DYNC1H1: variants seen among roughly 807,000 people sequenced by gnomAD.
The protein encoded by DYNC1H1 is cytoplasmic dynein 1 heavy chain 1.
A neutral mutation model predicts 527.1 loss-of-function variants in DYNC1H1; 51 were observed. That is an observed-to-expected ratio of 0.10 (90% CI 0.08 to 0.12). DYNC1H1 has a LOEUF of 0.12. Among genes scored for constraint, DYNC1H1 ranks in the 10% least tolerant of loss-of-function variants. The probability of loss-of-function intolerance (pLI) is 1.00; values close to 1 mark genes in which losing one functional copy is unlikely to be tolerated. For missense variants in DYNC1H1, 2,771 were observed against 5,971.8 expected, an observed-to-expected ratio of 0.46 and a Z score of 17.66; for synonymous variants, 2,189 against 2,278.8, an observed-to-expected ratio of 0.96 and a Z score of 1.12.
intron 5 of DYNC1H1, among the ~76,000 whole-genome samples, chr14:101,982,048 G>A (rs751515848): frequency 2.6e-5 from 4 of 152,198 alleles, no homozygotes; most frequent in East Asian, 1.9e-4. Context: ...GGCCAGCAGC[G>A]GCGAGTGAGC....
At chr14:102,032,887 G>A in intron 52 of DYNC1H1, 178 bp from the exon 53 acceptor site, 1 of 667,206 alleles carries the variant, frequency 1.5e-6, no homozygotes, top group Non-Finnish European at 2.6e-6. Context: ...TTGTTCAAGT[G>A]TTGAGCACAT....
intron 2 of DYNC1H1, among the ~76,000 whole-genome samples, chr14:101,976,690 G>T (rs2047805362): frequency 6.6e-6 from 1 of 152,036 alleles, no homozygotes; most frequent in Non-Finnish European, 1.5e-5. Flanking sequence ...CCATATCATG[G>T]CATCTATCTT....
chr14:102,013,311 T>C (rs530012572), intron 34 of DYNC1H1, among the ~76,000 whole-genome samples: 2 of 144,594 alleles, frequency 1.4e-5, no homozygotes, highest in Non-Finnish European at 1.5e-5. Context: ...TGTGATGCAA[T>C]TGGACAAACA....
intron 1 of DYNC1H1, among the ~76,000 whole-genome samples, chr14:101,968,062 G>A (rs191211232): frequency 1.4e-4 from 21 of 152,306 alleles, no homozygotes; most frequent in Non-Finnish European, 2.5e-4. Flanking sequence ...GCCATTTTAT[G>A]TTAATGACGT....
At position 102,011,848 on chromosome 14, in the gene DYNC1H1, A is replaced by G. The variant is rs1259121759; in HGVS notation, c.6619-27A>G. The G allele has an allele frequency of 6.2e-7, 1 of 1,611,866 alleles. No individual in the cohort carries two copies. The highest frequency in any genetic ancestry group is 8.5e-7 in the Non-Finnish European group (1 of 1,178,318). Reference sequence around the variant, plus strand: ...TCCCCATTCCTCCTCTGGGATGGTCACTGTGCTGGTCTGTTGGGCCCTGCA... The same window carrying G: ...TCCCCATTCCTCCTCTGGGATGGTCGCTGTGCTGGTCTGTTGGGCCCTGCA... On this transcript the variant is annotated intron_variant, in intron 32 of 77. Transcript: ENST00000360184. This position sits in a 1 kb window ranked among gnomAD's most constrained non-coding sequence, Gnocchi z 5.3.
Position 102,044,459 on chromosome 14 carries a change from A to C in DYNC1H1, c.12870A>C (p.Gly4290=). 2 of 1,614,198 alleles carry C rather than the reference A, an allele frequency of 1.2e-6. No homozygotes were observed. Among genetic ancestry groups the C allele is most frequent in the Non-Finnish European group, 1.7e-6 (2 of 1,180,036 alleles). The stretch of plus-strand genomic sequence containing the variant: ...TTAAGCTGGCATGCAAGGTCGACGG[A>C]CATAAAGACATTCAAATGCCAGATG... ...SEFKLACKVD[G]HKDIQMPDGI... The change falls in exon 71 of 78, where the codon GGA becomes GGC. Residue 4290 remains glycine, a synonymous_variant. Transcript: ENST00000360184. This position sits in a 1 kb window ranked among gnomAD's most constrained non-coding sequence, Gnocchi z 7.1.
Position 102,051,335 on chromosome 14 carries a change from A to G in DYNC1H1, c.*772A>G. 6.6e-6 allele frequency: 1 copy of G among 152,490 alleles called. No homozygotes were observed. Among genetic ancestry groups the G allele is most frequent in the African/African-American group, 2.4e-5 (1 of 41,342 alleles). The allele number at this position is 152,490 out of a possible 1,614,324, so 9.4% of individuals were successfully genotyped here. A position where few individuals can be genotyped will look rare whatever the true frequency, so the allele number is the denominator to read the frequency against. Reference sequence around the variant, plus strand: ...GAGGCCGAGGCGGGCGGATCACCAAATTAGCCGGGCATGGTGGCACATGCC... The same window carrying G: ...GAGGCCGAGGCGGGCGGATCACCAAGTTAGCCGGGCATGGTGGCACATGCC... On this transcript the variant is annotated 3_prime_UTR_variant, in exon 78 of 78. Transcript: ENST00000360184.
Position 102,036,195 on chromosome 14 carries a change from G to A in DYNC1H1, c.10755-294G>A. The A allele has an allele frequency of 2.5e-6, 1 of 392,204 alleles. No homozygotes were observed. The highest frequency in any genetic ancestry group is 4.9e-6 in the Non-Finnish European group (1 of 205,228). The allele number at this position is 392,204 out of a possible 1,614,324, so 24.3% of individuals were successfully genotyped here. On this transcript the variant is annotated intron_variant, in intron 56 of 77. Transcript: ENST00000360184. The surrounding 1 kb of genome is among the most constrained non-coding windows in gnomAD (Gnocchi z 5.6). ...TAAACATGAAAAAGCTATTCTAACAGTGCAGGATGCTGAGAGGATGATTGT... is the reference window on the plus strand; with the variant it reads ...TAAACATGAAAAAGCTATTCTAACAATGCAGGATGCTGAGAGGATGATTGT...
intron 1 of DYNC1H1, among the ~76,000 whole-genome samples, chr14:101,970,873 A>G (rs1459844189): frequency 2.0e-5 from 3 of 152,128 alleles, no homozygotes; most frequent in Non-Finnish European, 4.4e-5. Context: ...ATGCGGGCCA[A>G]AGGAGATGAA....
chr14:102,029,706 C>A lies in DYNC1H1; in HGVS notation c.9636C>A (p.Val3212=). 6.2e-7 allele frequency: 1 copy of A among 1,614,156 alleles called. No homozygotes were observed. The highest frequency in any genetic ancestry group is 1.1e-5 in the South Asian group (1 of 91,060). Residue 3212 remains valine, a synonymous_variant, in exon 49 of 78, where the codon GTC becomes GTA. Transcript: ENST00000360184. The surrounding 1 kb of genome is among the most constrained non-coding windows in gnomAD (Gnocchi z 5.3). ...NVGLRKIKET[V]DQVEELRRDL... ...GGCTCAGGAAGATCAAAGAGACAGT[C>A]GACCAGGTGCGTCACAGGCACAAAT...
chr14:102,021,917 C>G (rs1450696815), intron 42 of DYNC1H1, among the ~76,000 whole-genome samples: 1 of 152,116 alleles, frequency 6.6e-6, no homozygotes, highest in Admixed American at 6.6e-5. Context: ...TGCCTCTGCC[C>G]TCCCAGAGTG....
At chr14:102,023,174 G>A in intron 43 of DYNC1H1, 1 of 401,302 alleles carries the variant, frequency 2.5e-6, no homozygotes, top group Non-Finnish European at 4.7e-6. Flanking sequence ...CTTGAGCCCA[G>A]GAAGTCACAG....
In DYNC1H1 at chr14:101,999,998, C is replaced by T. The variant is rs2141284990; in HGVS notation, c.3814C>T (p.Arg1272Cys). Residue 1272 changes from arginine (R) to cysteine (C), a missense_variant, in exon 17 of 78, where the codon CGC becomes TGC. Arg to Cys is a radical substitution (Grantham distance 180). Transcript: ENST00000360184. ...CTCTGACTGCTTTCAGGGCAACCTT[C>T]GCCCAGAAGAGGCACTTCAGGCTCT... The part of the protein sequence containing the change: ...EKTKPVTGNL[R>C]PEEALQALTI... 4.3e-6 allele frequency: 7 copies of T among 1,614,212 alleles called. No homozygotes were observed. The highest frequency in any genetic ancestry group is 1.1e-5 in the South Asian group (1 of 91,088).
In DYNC1H1 at chr14:102,049,246, G is replaced by A. The variant is rs2048770659; in HGVS notation, c.13373-194G>A. On this transcript the variant is annotated intron_variant, in intron 74 of 77. Transcript: ENST00000360184. This position sits in a 1 kb window ranked among gnomAD's most constrained non-coding sequence, Gnocchi z 5.5. ...ACTGCACGGTTCTGAGACATGCTCT[G>A]GACCAGCCTGAGCTAGAGCAGATGT... is the stretch of plus-strand genomic sequence containing the variant. The A allele has an allele frequency of 1.4e-6, 1 of 725,704 alleles. No individual in the cohort carries two copies. Among genetic ancestry groups the A allele is most frequent in the Non-Finnish European group, 2.3e-6 (1 of 426,088 alleles). The allele number at this position is 725,704 out of a possible 1,614,324, so 45.0% of individuals were successfully genotyped here.
chr14:102,003,391 A>G (rs954131937), intron 23 of DYNC1H1, among the ~76,000 whole-genome samples: 1 of 151,686 alleles, frequency 6.6e-6, no homozygotes, highest in African/African-American at 2.4e-5. Flanking sequence ...CCTCCTGAGT[A>G]ACTGGGATTA....
intron 11 of DYNC1H1, 81 bp downstream of exon 11, chr14:101,991,754 C>G: frequency 6.3e-7 from 1 of 1,577,934 alleles, no homozygotes; most frequent in Non-Finnish European, 8.7e-7. Context: ...CATGGTGCTT[C>G]TTTAGATAAG....
At position 101,983,197 on chromosome 14, in the gene DYNC1H1, G is replaced by T. The variant is rs2047888453; in HGVS notation, c.1140G>T (p.Leu380Phe). ...TKYPIQRALRLVEAISRDLSS... is the reference protein window; with the variant it reads ...TKYPIQRALRFVEAISRDLSS... ...ATCCTATTCAGAGGGCACTGCGTTT[G>T]GTGGAGGCAATTTCAAGAGACTTGA... Residue 380 changes from leucine to phenylalanine, a missense_variant, in exon 6 of 78, where the codon TTG becomes TTT. Coordinates refer to ENST00000360184, the MANE Select transcript of DYNC1H1 (RefSeq NM_001376.5). This position sits in a 1 kb window ranked among gnomAD's most constrained non-coding sequence, Gnocchi z 5.3. The T allele has an allele frequency of 6.2e-7, 1 of 1,614,194 alleles. No individual in the cohort carries two copies. The highest frequency in any genetic ancestry group is 1.3e-5 in the African/African-American group (1 of 75,062).
Position 102,052,229 on chromosome 14 carries a change from G to C in DYNC1H1, c.*1666G>C, listed in dbSNP as rs2048821508. On this transcript the variant is annotated 3_prime_UTR_variant, in exon 78 of 78. Transcript: ENST00000360184. ...GCTCACTGCAGCCTCAACCTCCCGG[G>C]CTCAAGTGATCCTCCCACCTCAGCC... is the stretch of plus-strand genomic sequence containing the variant. The C allele has an allele frequency of 6.6e-6, 1 of 152,372 alleles. No homozygotes were observed. Among genetic ancestry groups the C allele is most frequent in the Non-Finnish European group, 1.5e-5 (1 of 68,268 alleles). 9.4% of individuals were successfully genotyped at this position (152,372 alleles called of 1,614,324 possible). A position where few individuals can be genotyped will look rare whatever the true frequency, so the allele number is the denominator to read the frequency against.
At chr14:102,047,633 GTGTGTGTGTA>G in intron 72 of DYNC1H1, 174 bp from the exon 73 acceptor site, 3 of 398,028 alleles carry the variant, frequency 7.5e-6, no homozygotes, top group Non-Finnish European at 8.3e-6. Flanking sequence ...GTGTGTGTGT[GTGTGTGTGTA>G]TATATATATA....
Sources: allele counts gnomAD v4.1 joint callset (sites outside exome capture counted in the v4.1 genomes callset), GRCh38; gene constraint gnomAD v4.1.1; non-coding constraint Gnocchi (gnomAD v3.1); transcripts MANE v1.5; gene names NCBI Gene and HGNC (gene_info 2026-07-23, HGNC 2026-07-21).